CNTLN: variants seen among roughly 807,000 people sequenced by gnomAD.
The protein encoded by CNTLN is centlein.
A neutral mutation model predicts 180.0 loss-of-function variants in CNTLN; 212 were observed. The observed-to-expected ratio is 1.18, with a 90% CI of 1.05 to 1.32. CNTLN has a LOEUF of 1.32. Among genes scored for constraint, CNTLN ranks in the 40% most tolerant of loss-of-function variants. The pLI is 0.00. For synonymous variants in CNTLN, 722 were observed against 563.1 expected, an observed-to-expected ratio of 1.28 and a Z score of -3.99; for missense variants, 2,095 against 1,610.9, an observed-to-expected ratio of 1.30 and a Z score of -5.14.
chr9:17,415,906 A>G (rs765807077), intron 17 of CNTLN, 25 bp downstream of exon 17: 5 of 1,588,704 alleles, frequency 3.1e-6, no homozygotes, highest in African/African-American at 1.4e-5. Context: ...GCAATTAACA[A>G]TATGTCTTTT....
At chr9:17,289,531 A>G (rs1360263322) in intron 6 of CNTLN, among the ~76,000 whole-genome samples, 1 of 136,696 alleles carries the variant, frequency 7.3e-6, no homozygotes, top group Non-Finnish European at 1.5e-5. Context: ...CGTTCTCTGT[A>G]TTTCCTGAAT....
At chr9:17,153,021 T>C (rs1443501006) in intron 2 of CNTLN, among the ~76,000 whole-genome samples, 1 of 152,190 alleles carries the variant, frequency 6.6e-6, no homozygotes, top group Non-Finnish European at 1.5e-5. Context: ...TAAATATTCT[T>C]CCATCCCTGT....
rs79736915 is a variant in CNTLN at position 17,157,016 on chromosome 9, G to A, written c.449+13640G>A. 1.3e-4 allele frequency among the ~76,000 whole-genome samples: 20 copies of A among 152,254 alleles called. No individual in the cohort carries two copies. The East Asian group carries it at 2.3e-3, about 18-fold the overall frequency. Reference sequence around the variant, plus strand: ...AAAGATACTGGAGGCTGAAGTGGACGCCACAACAAATAATGTTAGTGATAA... The same window carrying A: ...AAAGATACTGGAGGCTGAAGTGGACACCACAACAAATAATGTTAGTGATAA... On this transcript the variant is annotated intron_variant, in intron 2 of 25. Coordinates refer to ENST00000380647, the MANE Select transcript of CNTLN (RefSeq NM_017738.4).
chr9:17,412,623 G>A (rs1431594874), intron 16 of CNTLN, among the ~76,000 whole-genome samples: 1 of 152,126 alleles, frequency 6.6e-6, no homozygotes, highest in Non-Finnish European at 1.5e-5. Flanking sequence ...TAAGCTTTGT[G>A]TTAGATGATT....
Position 17,394,607 on chromosome 9 carries a change from T to G in CNTLN, c.2153T>G (p.Leu718Ter). ...AAATTAAAAGAAGGGAATAAAAAAT[T>G]AATGAAAGAAAATGATTTTCTGAAA... is the stretch of plus-strand genomic sequence containing the variant. Reference protein sequence around the residue: ...SRKLKEGNKKLMKENDFLKSL... With the variant: ...SRKLKEGNKK The change falls in exon 15 of 26, where the codon TTA becomes TGA. Residue 718 changes from leucine to a stop codon, truncating the protein, a stop_gained. Coordinates refer to ENST00000380647, the MANE Select transcript of CNTLN (RefSeq NM_017738.4). LOFTEE classifies it high-confidence loss of function. The G allele has an allele frequency of 6.3e-7, 1 of 1,596,352 alleles. No individual in the cohort carries two copies. The highest frequency in any genetic ancestry group is 8.5e-7 in the Non-Finnish European group (1 of 1,175,596).
At chr9:17,411,457 C>G (rs1237750305) in intron 16 of CNTLN, among the ~76,000 whole-genome samples, 3 of 152,194 alleles carry the variant, frequency 2.0e-5, no homozygotes, top group Non-Finnish European at 4.4e-5. Context: ...CTCTCCTCCT[C>G]CTATCAGGGT....
At chr9:17,347,687 A>AAG (rs1822015579) in intron 12 of CNTLN, among the ~76,000 whole-genome samples, 1 of 150,974 alleles carries the variant, frequency 6.6e-6, no homozygotes, top group Admixed American at 6.6e-5. Flanking sequence ...AAAAAAAAAA[A>AAG]GAAAAAGGAA....
chr9:17,155,913 G>T (rs147839316), intron 2 of CNTLN, among the ~76,000 whole-genome samples: 1 of 152,178 alleles, frequency 6.6e-6, no homozygotes, highest in South Asian at 2.1e-4. Flanking sequence ...TGTAAAGACC[G>T]TGGGACAAGC....
intron 5 of CNTLN, among the ~76,000 whole-genome samples, chr9:17,260,512 T>A (rs991935344): frequency 6.6e-6 from 1 of 151,392 alleles, no homozygotes; most frequent in South Asian, 2.1e-4. Flanking sequence ...ATGGGATCAT[T>A]TGTTTTTTTG....
chr9:17,474,635 G>A (rs1264549727), intron 23 of CNTLN, among the ~76,000 whole-genome samples: 6 of 152,080 alleles, frequency 3.9e-5, no homozygotes, highest in South Asian at 2.1e-4. Context: ...TTGGGAGGCC[G>A]AGGTGGGTGG....
intron 12 of CNTLN, among the ~76,000 whole-genome samples, chr9:17,354,815 C>T (rs548874069): frequency 5.9e-5 from 9 of 152,186 alleles, no homozygotes; most frequent in Non-Finnish European, 1.0e-4. Flanking sequence ...TTTGTTCTTT[C>T]GCTCTTTGCA....
chr9:17,266,660 T>C (rs1014936609), intron 5 of CNTLN, among the ~76,000 whole-genome samples: 1 of 152,138 alleles, frequency 6.6e-6, no homozygotes, highest in Non-Finnish European at 1.5e-5. Context: ...CCATTATTAT[T>C]GTGTGGGAGT....
chr9:17,358,156 A>G (rs902928348), intron 12 of CNTLN, among the ~76,000 whole-genome samples: 9 of 152,104 alleles, frequency 5.9e-5, no homozygotes, highest in Non-Finnish European at 1.0e-4. Context: ...GTGAAACAGG[A>G]TGCATGAATA....
At chr9:17,156,202 A>G (rs1177638134) in intron 2 of CNTLN, among the ~76,000 whole-genome samples, 1 of 152,186 alleles carries the variant, frequency 6.6e-6, no homozygotes, top group Non-Finnish European at 1.5e-5. Context: ...TAGTGCCACA[A>G]TTATTGAGTT....
Position 17,280,897 on chromosome 9 carries a change from G to C in CNTLN, c.983+7031G>C, listed in dbSNP as rs111427901. Among the ~76,000 whole-genome samples, 11 of 152,252 alleles carry C rather than the reference G, an allele frequency of 7.2e-5. 1 individual carries two copies. Among genetic ancestry groups the C allele is most frequent in the African/African-American group, 2.6e-4 (11 of 41,540 alleles). On this transcript the variant is annotated intron_variant, in intron 6 of 25. Transcript: ENST00000380647. ...GGAGTCATTTGAACTGTATATATCT[G>C]GTAGGCTGATGTAGCAATTAGTAGG...
intron 2 of CNTLN, among the ~76,000 whole-genome samples, chr9:17,147,338 C>T (rs1052185795): frequency 6.6e-6 from 1 of 152,170 alleles, no homozygotes; most frequent in Admixed American, 6.5e-5. Context: ...TAGGCAAATG[C>T]TGCAGGTAGC....
intron 2 of CNTLN, chr9:17,168,348 G>C (rs534589258): frequency 6.6e-6 from 1 of 152,224 alleles, no homozygotes; most frequent in East Asian, 1.9e-4. Context: ...CTTGATGTTA[G>C]TTAGCAAAGA....
intron 2 of CNTLN, among the ~76,000 whole-genome samples, chr9:17,147,883 A>T (rs1586911659): frequency 1.3e-5 from 2 of 152,186 alleles, no homozygotes; most frequent in South Asian, 4.1e-4. Context: ...ATTGGTTTCA[A>T]CCGGTTGTGC....
intron 12 of CNTLN, among the ~76,000 whole-genome samples, chr9:17,350,820 A>G (rs571095413): frequency 1.4e-4 from 22 of 152,242 alleles, no homozygotes; most frequent in Non-Finnish European, 2.9e-4. Flanking sequence ...ATCTCCGACT[A>G]TCATCACATT....
Sources: gnomAD v4.1 joint callset for allele counts (sites outside exome capture counted in the v4.1 genomes callset) on GRCh38, gnomAD v4.1.1 for gene constraint, MANE v1.5 for transcripts, NCBI Gene and HGNC (gene_info 2026-07-23, HGNC 2026-07-21) for gene names.